PTPRE: variants seen among roughly 807,000 people sequenced by gnomAD.
The protein encoded by PTPRE is receptor-type tyrosine-protein phosphatase epsilon.
PTPRE carries 51 observed loss-of-function variants against 102.0 expected under a neutral mutation model. The observed-to-expected ratio is 0.50, with a 90% CI of 0.40 to 0.63. The LOEUF is 0.63. PTPRE is among the 30% of genes least tolerant of loss of function. The probability of loss-of-function intolerance (pLI) is 0.00; values close to 1 mark genes in which losing one functional copy is unlikely to be tolerated. For synonymous variants in PTPRE, 345 were observed against 348.2 expected, an observed-to-expected ratio of 0.99 and a Z score of 0.10; for missense variants, 752 against 915.1, an observed-to-expected ratio of 0.82 and a Z score of 2.30.
At chr10:128,005,033 A>G (rs1353446186) in intron 2 of PTPRE, among the ~76,000 whole-genome samples, 1 of 152,124 alleles carries the variant, frequency 6.6e-6, no homozygotes, top group African/African-American at 2.4e-5. Flanking sequence ...TGTTTGAATG[A>G]CTTCTTTGGA....
At chr10:128,063,588 G>A (rs1486206544) in intron 10 of PTPRE, among the ~76,000 whole-genome samples, 3 of 152,174 alleles carry the variant, frequency 2.0e-5, no homozygotes, top group South Asian at 2.1e-4. Flanking sequence ...TTTGGAAAAC[G>A]TTGGTATATT....
chr10:127,971,148 CCTGA>C (rs551871765), intron 1 of PTPRE, among the ~76,000 whole-genome samples: 379 of 152,288 alleles, frequency 2.5e-3, no homozygotes, highest in Non-Finnish European at 4.1e-3. Context: ...CTCCATATGA[CCTGA>C]CTGAGAGCTT....
At chr10:127,959,252 T>C (rs1290803851) in intron 1 of PTPRE, among the ~76,000 whole-genome samples, 1 of 152,224 alleles carries the variant, frequency 6.6e-6, no homozygotes, top group African/African-American at 2.4e-5. Flanking sequence ...AAGTTGGGAC[T>C]TGAGGGGAGT....
intron 2 of PTPRE, among the ~76,000 whole-genome samples, chr10:128,007,905 C>G (rs1051940659): frequency 6.6e-6 from 1 of 152,196 alleles, no homozygotes; most frequent in African/African-American, 2.4e-5. Context: ...ATGATTGTCT[C>G]TGAAATAAGA....
rs766219007 is a variant in PTPRE at position 128,072,218 on chromosome 10, C to T, written c.1464+4C>T. On this transcript the variant is annotated splice_donor_region_variant and intron_variant, in intron 16 of 20. Transcript: ENST00000254667. ...CATCAACGCATCCTTCATAGACGTA[C>T]GTATGCTGGCCTGGGTTGTGTTTAT... The T allele has an allele frequency of 2.2e-5, 36 of 1,611,432 alleles. No homozygotes were observed. Among genetic ancestry groups the T allele is most frequent in the South Asian group, 5.5e-5 (5 of 90,772 alleles).
At chr10:128,033,071 C>T (rs1048819514) in intron 2 of PTPRE, among the ~76,000 whole-genome samples, 3 of 152,084 alleles carry the variant, frequency 2.0e-5, no homozygotes, top group South Asian at 2.1e-4. Context: ...TCGCTGACCA[C>T]GTAGAAGCCA....
At chr10:127,992,047 C>T (rs1852719562) in intron 2 of PTPRE, among the ~76,000 whole-genome samples, 1 of 152,132 alleles carries the variant, frequency 6.6e-6, no homozygotes, top group Non-Finnish European at 1.5e-5. Context: ...GTGCCCAGCA[C>T]CTCGGGGCCC....
chr10:128,033,486 T>C (rs1846943675), intron 2 of PTPRE, among the ~76,000 whole-genome samples: 1 of 152,218 alleles, frequency 6.6e-6, no homozygotes, highest in South Asian at 2.1e-4. Context: ...GACCTTGACT[T>C]AATTACTAAT....
At chr10:128,030,620 G>T (rs1326618379) in intron 2 of PTPRE, among the ~76,000 whole-genome samples, 1 of 152,172 alleles carries the variant, frequency 6.6e-6, no homozygotes, top group Non-Finnish European at 1.5e-5. Flanking sequence ...CTCTGAGAAG[G>T]CACCAGGGTA....
At chr10:127,980,646 T>G (rs890928942) in intron 1 of PTPRE, among the ~76,000 whole-genome samples, 2 of 152,234 alleles carry the variant, frequency 1.3e-5, no homozygotes, top group African/African-American at 4.8e-5. Context: ...TTTGCCCAAA[T>G]AGACTTAAAA....
intron 2 of PTPRE, among the ~76,000 whole-genome samples, chr10:127,983,591 C>T (rs1254264749): frequency 2.0e-5 from 3 of 152,116 alleles, no homozygotes; most frequent in Admixed American, 2.0e-4. Flanking sequence ...AATGCAGCTG[C>T]GTGCTTTATC....
At chr10:128,011,508 G>T (rs1046276045) in intron 2 of PTPRE, among the ~76,000 whole-genome samples, 1 of 152,214 alleles carries the variant, frequency 6.6e-6, no homozygotes, top group Non-Finnish European at 1.5e-5. Flanking sequence ...TTACCCGACG[G>T]TGCCACCTTC....
Position 127,944,500 on chromosome 10 carries a change from A to ATGGATGGATGGATGGATGGATAAG in PTPRE, c.-31+37206_-31+37207insATGGATAAGTGGATGGATGGATGG, listed in dbSNP as rs1554896085. Among the ~76,000 whole-genome samples, 2,665 of 146,118 alleles carry ATGGATGGATGGATGGATGGATAAG rather than the reference A, an allele frequency of 0.018. 75 individuals are homozygous for ATGGATGGATGGATGGATGGATAAG. The highest frequency in any genetic ancestry group is 0.036 in the African/African-American group (1,395 of 38,970). The stretch of plus-strand genomic sequence containing the variant: ...GATGGATGGATGGATGGATGGATGG[A>ATGGATGGATGGATGGATGGATAAG]TGGATGGATGGATGGGTGGATGGAT... On this transcript the variant is annotated intron_variant, in intron 1 of 20. Transcript: ENST00000254667. This position sits in a 1 kb window ranked among gnomAD's most constrained non-coding sequence, Gnocchi z 4.2.
intron 17 of PTPRE, 102 bp downstream of exon 17, chr10:128,073,573 A>G (rs1850969520): frequency 7.0e-7 from 1 of 1,427,948 alleles, no homozygotes; most frequent in Non-Finnish European, 9.4e-7. Context: ...CTGCAAACAC[A>G]TGGGTGAGAC....
At chr10:128,050,108 C>T (rs763322094) in intron 6 of PTPRE, among the ~76,000 whole-genome samples, 7 of 136,740 alleles carry the variant, frequency 5.1e-5, no homozygotes, top group African/African-American at 8.3e-5. Context: ...ACCACCATCT[C>T]GGCATTAATG....
At chr10:127,964,893 C>G in intron 1 of PTPRE, 2 of 411,806 alleles carry the variant, frequency 4.9e-6, no homozygotes, top group Non-Finnish European at 9.7e-6. Context: ...CTGGTGTCGG[C>G]GTTCTGCTGC....
chr10:128,071,005 CA>C, intron 15 of PTPRE, 104 bp downstream of exon 15: 5 of 1,169,736 alleles, frequency 4.3e-6, no homozygotes, highest in Non-Finnish European at 6.2e-6. Flanking sequence ...GCACCAGGGT[CA>C]AAAGCAGGGT....
rs778397443 is a variant in PTPRE at position 128,082,839 on chromosome 10, A to G, written c.2036A>G (p.Tyr679Cys). The change falls in exon 21 of 21, where the codon TAT (tyrosine) becomes TGT (cysteine). Residue 679 changes from tyrosine (Y) to cysteine (C), a missense_variant. Transcript: ENST00000254667. The part of the protein sequence containing the change: ...RPHMVQTLEQ[Y>C]EFCYKVVQDF... ...CCTTGTTTGTCTTTTCAGGAACAGTATGAATTCTGCTACAAAGTGGTACAA... is the reference window on the plus strand; with the variant it reads ...CCTTGTTTGTCTTTTCAGGAACAGTGTGAATTCTGCTACAAAGTGGTACAA... 1 of 1,561,214 alleles carries G rather than the reference A, an allele frequency of 6.4e-7. No individual in the cohort carries two copies. The highest frequency in any genetic ancestry group is 8.6e-7 in the Non-Finnish European group (1 of 1,163,968).
At chr10:127,992,414 C>G (rs149715574) in intron 2 of PTPRE, among the ~76,000 whole-genome samples, 1 of 152,156 alleles carries the variant, frequency 6.6e-6, no homozygotes. Context: ...AGTTCTCGCA[C>G]GAAATTCATA....
Sources: allele counts gnomAD v4.1 joint callset (sites outside exome capture counted in the v4.1 genomes callset), GRCh38; gene constraint gnomAD v4.1.1; non-coding constraint Gnocchi (gnomAD v3.1); transcripts MANE v1.5; gene names NCBI Gene and HGNC (gene_info 2026-07-23, HGNC 2026-07-21).